The following ENOX1 variants were observed in gnomAD, a reference collection of about 807,000 sequenced individuals.
The protein encoded by ENOX1 is ecto-NOX disulfide-thiol exchanger 1.
A neutral mutation model predicts 82.5 loss-of-function variants in ENOX1; 42 were observed. The ratio of observed to expected loss-of-function variants is 0.51; its 90% CI spans 0.40 to 0.66. The LOEUF (loss-of-function observed/expected upper bound fraction) is 0.66, where lower values mean the gene tolerates loss of function less well. Among genes scored for constraint, ENOX1 ranks in the 30% least tolerant of loss-of-function variants. The pLI is 0.00. For missense variants in ENOX1, 608 were observed against 811.6 expected, an observed-to-expected ratio of 0.75 and a Z score of 3.05; for synonymous variants, 271 against 282.2, an observed-to-expected ratio of 0.96 and a Z score of 0.40.
chr13:43,750,937 C>T (rs992298766), intron 1 of ENOX1, among the ~76,000 whole-genome samples: 1 of 152,160 alleles, frequency 6.6e-6, no homozygotes, highest in Non-Finnish European at 1.5e-5. Context: ...GGAACACAAA[C>T]GTGGCCTGTT....
chr13:43,297,625 G>C (rs1316973959), intron 12 of ENOX1, among the ~76,000 whole-genome samples: 1 of 152,118 alleles, frequency 6.6e-6, no homozygotes, highest in Non-Finnish European at 1.5e-5. Context: ...CCAACAGTCA[G>C]ATTTTCCCCT....
Position 43,395,295 on chromosome 13 carries a change from C to T in ENOX1, c.208+16621G>A, listed in dbSNP as rs185510552. 1.4e-4 allele frequency among the ~76,000 whole-genome samples: 22 copies of T among 152,284 alleles called. No homozygotes were observed. The East Asian group carries it at 4.1e-3, about 28-fold the overall frequency. ...ACTTTGGGAGGCCAAGGCGGGCAGA[C>T]CACTTAAGCTCAGGAGTTCAAGACC... On this transcript the variant is annotated intron_variant, in intron 5 of 16. Coordinates refer to ENST00000690772, the MANE Select transcript of ENOX1 (RefSeq NM_001347969.2).
rs2045797282 is a variant in ENOX1, at chr13:43,288,011, G to A, written c.1446+10335C>T. 2.0e-5 allele frequency among the ~76,000 whole-genome samples: 3 copies of A among 152,154 alleles called. No individual in the cohort carries two copies. The South Asian group carries it at 6.2e-4, about 32-fold the overall frequency. On this transcript the variant is annotated intron_variant, in intron 12 of 16. Coordinates refer to ENST00000690772, the MANE Select transcript of ENOX1 (RefSeq NM_001347969.2). Reference sequence around the variant, plus strand: ...TCAGAAAATGCACACACTGCCAGCAGGAACCCTACAAATGACCTTGAACAG... The same window carrying A: ...TCAGAAAATGCACACACTGCCAGCAAGAACCCTACAAATGACCTTGAACAG...
intron 2 of ENOX1, among the ~76,000 whole-genome samples, chr13:43,630,217 A>C (rs1425503269): frequency 2.0e-5 from 3 of 152,150 alleles, no homozygotes; most frequent in Non-Finnish European, 4.4e-5. Context: ...GCTTCTTTTC[A>C]GGGGCGGAAA....
At chr13:43,755,727 A>G (rs1384095152) in intron 1 of ENOX1, among the ~76,000 whole-genome samples, 1 of 152,242 alleles carries the variant, frequency 6.6e-6, no homozygotes, top group Non-Finnish European at 1.5e-5. Context: ...AAATAAAATT[A>G]TAAAATCATC....
intron 1 of ENOX1, among the ~76,000 whole-genome samples, chr13:43,730,946 A>T (rs1430873834): frequency 6.6e-6 from 1 of 152,202 alleles, no homozygotes. Context: ...ACCCTGCAGC[A>T]GCTGCTGCTC....
Position 43,566,183 on chromosome 13 carries a change from C to T in ENOX1, c.-218-82031G>A, listed in dbSNP as rs139528159. 3.3e-5 allele frequency among the ~76,000 whole-genome samples: 5 copies of T among 152,232 alleles called. No homozygotes were observed. The East Asian group carries it at 7.7e-4, about 23-fold the overall frequency. On this transcript the variant is annotated intron_variant, in intron 2 of 16. Coordinates refer to ENST00000690772, the MANE Select transcript of ENOX1 (RefSeq NM_001347969.2). ...GTTGCTCTGGGGATGTTAGTGTTTACATTTTTTCCCATTTGTTATTTATTA... is the reference window on the plus strand; with the variant it reads ...GTTGCTCTGGGGATGTTAGTGTTTATATTTTTTCCCATTTGTTATTTATTA...
intron 12 of ENOX1, among the ~76,000 whole-genome samples, chr13:43,287,926 C>A (rs2045791103): frequency 6.6e-6 from 1 of 152,166 alleles, no homozygotes; most frequent in Admixed American, 6.5e-5. Context: ...CTTCAAGAGT[C>A]TCACACTGAA....
chr13:43,643,239 G>A (rs897340664), intron 2 of ENOX1, among the ~76,000 whole-genome samples: 1 of 152,138 alleles, frequency 6.6e-6, no homozygotes, highest in Admixed American at 6.6e-5. Flanking sequence ...CATAGTGTTT[G>A]TGTTCCCCCA....
chr13:43,330,149 T>C (rs1277851589), intron 9 of ENOX1, among the ~76,000 whole-genome samples: 4 of 152,226 alleles, frequency 2.6e-5, no homozygotes, highest in African/African-American at 9.6e-5. Context: ...ACTTACTCTA[T>C]CTATATACAA....
At chr13:43,500,106 TAGCAAGCAACATC>T (rs1378650788) in intron 2 of ENOX1, among the ~76,000 whole-genome samples, 1 of 152,040 alleles carries the variant, frequency 6.6e-6, no homozygotes, top group African/African-American at 2.4e-5. Context: ...ATATATGGAC[TAGCAAGCAACATC>T]AGCAAGCAAA....
Position 43,360,047 on chromosome 13 carries a change from A to G in ENOX1, c.393T>C (p.Pro131=). The G allele has an allele frequency of 2.5e-6, 4 of 1,614,112 alleles. No homozygotes were observed. In the South Asian group the frequency reaches 4.4e-5, roughly 18 times the overall value. ...CAGGAGGTCGTTCTCTTGTGGAAGGAGGTGGAAGATCTAATAATCACAACA... is the reference window on the plus strand; with the variant it reads ...CAGGAGGTCGTTCTCTTGTGGAAGGGGGTGGAAGATCTAATAATCACAACA... The part of the protein sequence containing the change: ...TLFPQNPNLP[P]PSTRERPPGC... The change falls in exon 7 of 17, where the codon CCT becomes CCC. Residue 131 remains proline (P), a synonymous_variant. Transcript: ENST00000690772.
intron 3 of ENOX1, among the ~76,000 whole-genome samples, chr13:43,444,390 C>T (rs1199064781): frequency 2.0e-5 from 3 of 152,174 alleles, no homozygotes; most frequent in African/African-American, 7.2e-5. Context: ...GCTTCATATT[C>T]TACTTCTTTC....
intron 2 of ENOX1, among the ~76,000 whole-genome samples, chr13:43,554,601 G>C (rs2079352736): frequency 6.6e-6 from 1 of 152,128 alleles, no homozygotes; most frequent in African/African-American, 2.4e-5. Context: ...TTTTGAGACA[G>C]GGTCTCACTC....
intron 2 of ENOX1, among the ~76,000 whole-genome samples, chr13:43,616,205 T>TATATA (rs1491279637): frequency 1.7e-4 from 1 of 5,904 alleles, no homozygotes; most frequent in African/African-American, 2.2e-4. Context: ...TATATATATA[T>TATATA]TTTTTTTTTT....
chr13:43,725,966 CAA>C (rs754929557), intron 1 of ENOX1, among the ~76,000 whole-genome samples: 3 of 135,358 alleles, frequency 2.2e-5, no homozygotes, highest in Non-Finnish European at 3.2e-5. Context: ...GACCCTGTCT[CAA>C]AAAAAAAAAA....
Position 43,271,322 on chromosome 13 carries a change from A to G in ENOX1, c.1447-1745T>C, listed in dbSNP as rs552397895. On this transcript the variant is annotated intron_variant, in intron 12 of 16. Coordinates refer to ENST00000690772, the MANE Select transcript of ENOX1 (RefSeq NM_001347969.2). The stretch of plus-strand genomic sequence containing the variant: ...AGATGAAGTTGCACAAATGTCTTCT[A>G]ATGACACAGAAGAAGCTCAAAAAGC... Among the ~76,000 whole-genome samples the G allele has an allele frequency of 2.0e-5, 3 of 152,322 alleles. No homozygotes were observed. In the South Asian group the frequency reaches 6.2e-4, roughly 32 times the overall value.
At chr13:43,637,502 A>G (rs979998897) in intron 2 of ENOX1, among the ~76,000 whole-genome samples, 1 of 149,232 alleles carries the variant, frequency 6.7e-6, no homozygotes, top group African/African-American at 2.4e-5. Flanking sequence ...TTCCCTGAAG[A>G]TCTGCAGCTC....
chr13:43,448,080 T>A (rs2056756811), intron 3 of ENOX1, among the ~76,000 whole-genome samples: 1 of 152,218 alleles, frequency 6.6e-6, no homozygotes, highest in African/African-American at 2.4e-5. Context: ...CTGGAAACAT[T>A]ATTGAACAGA....
Sources: allele counts gnomAD v4.1 joint callset (sites outside exome capture counted in the v4.1 genomes callset), GRCh38; gene constraint gnomAD v4.1.1; transcripts MANE v1.5; gene names NCBI Gene and HGNC (gene_info 2026-07-23, HGNC 2026-07-21).